The following TMEM234 variants were observed in gnomAD, a reference collection of about 807,000 sequenced individuals.
The protein encoded by TMEM234 is transmembrane protein 234, also known as chromosome 1 open reading frame 91.
Under a neutral mutation model 17.8 loss-of-function variants are expected in TMEM234, and 21 were observed. The observed-to-expected ratio is 1.18, with a 90% CI of 0.84 to 1.70. The LOEUF (loss-of-function observed/expected upper bound fraction) is 1.70. Ranked by LOEUF, TMEM234 falls within the 40% of genes most tolerant of loss-of-function variation. The pLI, the probability that TMEM234 is intolerant of heterozygous loss-of-function variation, is 0.00. For synonymous variants in TMEM234, 83 were observed against 73.5 expected (o/e 1.13, Z -0.66); for missense variants, 137 against 166.9 (o/e 0.82, Z 0.99).
intron 3 of TMEM234, among the ~76,000 whole-genome samples, chr1:32,220,356 T>C (rs1017314685): frequency 6.6e-5 from 10 of 152,198 alleles, no homozygotes; most frequent in Non-Finnish European, 7.3e-5. Flanking sequence ...TTGTTATTTT[T>C]AGTAGAGACG....
At chr1:32,214,875 A>G (rs367646595), downstream of TMEM234, 1 of 1,613,978 alleles carries the variant, frequency 6.2e-7, no homozygotes, top group Non-Finnish European at 8.5e-7. Flanking sequence ...TTTCTATGCC[A>G]GACCCCAGCA....
chr1:32,219,878 C>T (rs752376637), intron 3 of TMEM234, among the ~76,000 whole-genome samples: 1 of 152,114 alleles, frequency 6.6e-6, no homozygotes, highest in Non-Finnish European at 1.5e-5. Flanking sequence ...ATAGGGGTCA[C>T]AGTATACCAT....
At chr1:32,216,189 C>T (rs192447015), downstream of TMEM234, 325 of 849,406 alleles carry the variant, frequency 3.8e-4, 2 homozygotes, top group Admixed American at 2.6e-3. Context: ...AGAATACTTA[C>T]TAACCTCTTG....
At chr1:32,221,010 G>A (rs887255586) in intron 3 of TMEM234, 121 bp downstream of exon 3, 3 of 729,754 alleles carry the variant, frequency 4.1e-6, no homozygotes, top group Non-Finnish European at 7.1e-6. Context: ...GAGGGAACTA[G>A]AGCTAGTCAG....
In TMEM234 at chr1:32,216,785, T is replaced by C. The variant is rs1009936950; in HGVS notation, c.*68A>G. 1.1e-5 allele frequency: 18 copies of C among 1,590,184 alleles called. 1 individual carries two copies. Among genetic ancestry groups the C allele is most frequent in the African/African-American group, 6.7e-5 (5 of 74,596 alleles). ...GAGGGGAAGTGCTAGGTCCATCCGC[T>C]CACTGCCAGCACTTCATGGCCCAGG... On this transcript the variant is annotated 3_prime_UTR_variant, in exon 5 of 5. Coordinates refer to ENST00000309777, the MANE Select transcript of TMEM234 (RefSeq NM_019118.5).
downstream of TMEM234, chr1:32,215,396 G>A (rs1281451647): frequency 1.3e-6 from 2 of 1,524,872 alleles, no homozygotes; most frequent in East Asian, 2.3e-5. Flanking sequence ...AATGCTGAGG[G>A]CTCTTCAGCC....
chr1:32,216,346 TAGAC>T lies in TMEM234; in HGVS notation c.*503_*506del, dbSNP rs1244886068. 8 of 1,546,630 alleles carry T rather than the reference TAGAC, an allele frequency of 5.2e-6. No homozygotes were observed. The highest frequency in any genetic ancestry group is 4.1e-5 in the African/African-American group (3 of 72,990). ...TCATGGGTGGGGCAGGCAAGGCTAA[TAGAC>T]AGCTCATTTCCTGCATCTGCCACTC... On this transcript the variant is annotated 3_prime_UTR_variant, in exon 5 of 5. Transcript: ENST00000309777.
At chr1:32,215,313 C>G (rs1638290721), downstream of TMEM234, 3 of 774,290 alleles carry the variant, frequency 3.9e-6, no homozygotes, top group Admixed American at 9.3e-5. Flanking sequence ...TCCTTGCCAT[C>G]CTGGGAGGTG....
Position 32,221,145 on chromosome 1 carries a change from G to C in TMEM234, c.221C>G (p.Thr74Ser). The change falls in exon 3 of 5, where the codon ACC becomes AGC. Residue 74 changes from threonine (T) to serine (S), a missense_variant. Thr to Ser is a moderately conservative substitution (Grantham distance 58). Transcript: ENST00000309777. Reference protein sequence around the residue: ...NQCGSLLYYLTLASTDLTLAV... With the variant: ...NQCGSLLYYLSLASTDLTLAV... ...CCAGGACCCACCTGTCGATGCCAAG[G>C]TGAGGTAATAGAGAAGGGATCCACA... is the stretch of plus-strand genomic sequence containing the variant. 2 of 1,613,500 alleles carry C rather than the reference G, an allele frequency of 1.2e-6. No individual in the cohort carries two copies. Among genetic ancestry groups the C allele is most frequent in the Non-Finnish European group, 1.7e-6 (2 of 1,179,814 alleles).
Position 32,216,565 on chromosome 1 carries a change from T to C in TMEM234, c.*288A>G. 1 of 1,546,394 alleles carries C rather than the reference T, an allele frequency of 6.5e-7. No individual in the cohort carries two copies. Among genetic ancestry groups the C allele is most frequent in the Non-Finnish European group, 8.8e-7 (1 of 1,142,666 alleles). On this transcript the variant is annotated 3_prime_UTR_variant, in exon 5 of 5. Transcript: ENST00000309777. The stretch of plus-strand genomic sequence containing the variant: ...CAGGCCACAGTAATGGTGGCTGGGC[T>C]GGGAGCCTGAGATGTTAGCAGGAAG...
chr1:32,216,779 A>G lies in TMEM234; in HGVS notation c.*74T>C, dbSNP rs1251165098. On this transcript the variant is annotated 3_prime_UTR_variant, in exon 5 of 5. Transcript: ENST00000309777. ...GCCAGAGAGGGGAAGTGCTAGGTCC[A>G]TCCGCTCACTGCCAGCACTTCATGG... The G allele has an allele frequency of 1.3e-6, 2 of 1,580,980 alleles. No homozygotes were observed. Among genetic ancestry groups the G allele is most frequent in the Non-Finnish European group, 1.7e-6 (2 of 1,161,468 alleles).
At position 32,220,461 on chromosome 1, in the gene TMEM234, G is replaced by A. The variant is rs111386679; in HGVS notation, c.235+670C>T. On this transcript the variant is annotated intron_variant, in intron 3 of 4. Transcript: ENST00000309777. Reference sequence around the variant, plus strand: ...CAAAGTGCTGGGATTACAGGCGTGAGTCACCATGCCCAGTCGAGCATAAAC... The same window carrying A: ...CAAAGTGCTGGGATTACAGGCGTGAATCACCATGCCCAGTCGAGCATAAAC... Among the ~76,000 whole-genome samples, 49 of 152,340 alleles carry A rather than the reference G, an allele frequency of 3.2e-4. 1 individual carries two copies. Among genetic ancestry groups the A allele is most frequent in the African/African-American group, 1.1e-3 (46 of 41,592 alleles).
At chr1:32,214,838 G>A, downstream of TMEM234, 1 of 1,613,940 alleles carries the variant, frequency 6.2e-7, no homozygotes, top group Non-Finnish European at 8.5e-7. Flanking sequence ...CCTCTCCAAA[G>A]GAACCAGACC....
rs1024398470 is a variant in TMEM234, at chr1:32,216,365, A to T, written c.*488T>A. ...GGCTAATAGACAGCTCATTTCCTGC[A>T]TCTGCCACTCCGACGCACCTTCTTC... On this transcript the variant is annotated 3_prime_UTR_variant, in exon 5 of 5. Coordinates refer to ENST00000309777, the MANE Select transcript of TMEM234 (RefSeq NM_019118.5). 3 of 1,549,792 alleles carry T rather than the reference A, an allele frequency of 1.9e-6. No individual in the cohort carries two copies. The African/African-American group carries it at 4.1e-5, about 21-fold the overall frequency.
chr1:32,216,662 A>G lies in TMEM234; in HGVS notation c.*191T>C, dbSNP rs1338243989. Reference sequence around the variant, plus strand: ...CTGTGCTAAATCCCCGCAGCTGAACAGCACTTGAAGGTTACAAAACTCTTT... The same window carrying G: ...CTGTGCTAAATCCCCGCAGCTGAACGGCACTTGAAGGTTACAAAACTCTTT... On this transcript the variant is annotated 3_prime_UTR_variant, in exon 5 of 5. Coordinates refer to ENST00000309777, the MANE Select transcript of TMEM234 (RefSeq NM_019118.5). 1.9e-5 allele frequency: 28 copies of G among 1,501,434 alleles called. No homozygotes were observed. The highest frequency in any genetic ancestry group is 3.6e-6 in the Non-Finnish European group (4 of 1,120,478). The allele number at this position is 1,501,434 out of a possible 1,614,324, so 93.0% of individuals were successfully genotyped here. A position where few individuals can be genotyped will look rare whatever the true frequency, so the allele number is the denominator to read the frequency against.
downstream of TMEM234, chr1:32,215,741 T>A: frequency 7.3e-7 from 1 of 1,368,886 alleles, no homozygotes; most frequent in South Asian, 1.3e-5. Flanking sequence ...ACCTCCTGGC[T>A]GAGAGCTGGA....
At position 32,221,189 on chromosome 1, in the gene TMEM234, C is replaced by T. The variant is rs1638871926; in HGVS notation, c.177G>A (p.Met59Ile). 1 of 1,613,412 alleles carries T rather than the reference C, an allele frequency of 6.2e-7. No individual in the cohort carries two copies. The highest frequency in any genetic ancestry group is 8.5e-7 in the Non-Finnish European group (1 of 1,179,720). ...KTLFLNTEYL[M>I]PFLLNQCGSL... is the part of the protein sequence containing the mutation. ...ATCCACACTGGTTGAGGAGAAAGGG[C>T]ATCAGGTACTGGAAAGAGGAGAAAC... Residue 59 changes from methionine (M) to isoleucine (I), a missense_variant, in exon 3 of 5, where the codon ATG becomes ATA. By Grantham distance (10) the Met-to-Ile change is conservative. Coordinates refer to ENST00000309777, the MANE Select transcript of TMEM234 (RefSeq NM_019118.5).
At chr1:32,217,393 T>C (rs913998375) in intron 3 of TMEM234, 42 bp from the exon 4 acceptor site, 15 of 1,592,368 alleles carry the variant, frequency 9.4e-6, no homozygotes, top group African/African-American at 1.3e-5. Context: ...ATGCAACAAA[T>C]GCCTTTCTAG....
chr1:32,219,927 G>A (rs1278495839), intron 3 of TMEM234, among the ~76,000 whole-genome samples: 2 of 152,146 alleles, frequency 1.3e-5, no homozygotes, highest in Non-Finnish European at 2.9e-5. Flanking sequence ...CTGTGATAAT[G>A]CATGGATAGT....
Sources: gnomAD v4.1 joint callset for allele counts (sites outside exome capture counted in the v4.1 genomes callset) on GRCh38, gnomAD v4.1.1 for gene constraint, MANE v1.5 for transcripts, NCBI Gene and HGNC (gene_info 2026-07-23, HGNC 2026-07-21) for gene names.